CNTN5: variants seen among roughly 807,000 people sequenced by gnomAD.
CNTN5 encodes the protein contactin-5.
Under a neutral mutation model 129.1 loss-of-function variants are expected in CNTN5, and 77 were observed. That is an observed-to-expected ratio of 0.60 (90% CI 0.50 to 0.72). The LOEUF (loss-of-function observed/expected upper bound fraction) is 0.72, where lower values mean the gene tolerates loss of function less well. Among genes scored for constraint, CNTN5 ranks in the 30% least tolerant of loss-of-function variants. The pLI is 0.00. For missense variants in CNTN5, 1,478 were observed against 1,328.8 expected (o/e 1.11, Z -1.75); for synonymous variants, 509 against 465.6 (o/e 1.09, Z -1.20).
chr11:99,376,633 C>T (rs1940199321), intron 2 of CNTN5, among the ~76,000 whole-genome samples: 1 of 152,138 alleles, frequency 6.6e-6, no homozygotes, highest in Non-Finnish European at 1.5e-5. Flanking sequence ...GAATCCTGTA[C>T]TTATGCCAAA....
At chr11:100,144,376 T>C (rs1023628698) in intron 13 of CNTN5, among the ~76,000 whole-genome samples, 1 of 152,166 alleles carries the variant, frequency 6.6e-6, no homozygotes, top group Admixed American at 6.6e-5. Flanking sequence ...TCTCCTGCTT[T>C]CCTTCCACTT....
intron 1 of CNTN5, among the ~76,000 whole-genome samples, chr11:99,030,176 T>G (rs974544384): frequency 6.6e-6 from 1 of 152,200 alleles, no homozygotes; most frequent in African/African-American, 2.4e-5. Context: ...AAGATGATAT[T>G]GACTACTAAC....
At chr11:99,639,417 A>C (rs998149533) in intron 3 of CNTN5, among the ~76,000 whole-genome samples, 1 of 152,168 alleles carries the variant, frequency 6.6e-6, no homozygotes, top group Non-Finnish European at 1.5e-5. Flanking sequence ...TACTTATGCA[A>C]ATTTTTGCAG....
chr11:99,461,120 G>A (rs548489265), intron 2 of CNTN5, among the ~76,000 whole-genome samples: 5 of 152,024 alleles, frequency 3.3e-5, no homozygotes, highest in Non-Finnish European at 5.9e-5. Flanking sequence ...AGAAAAAGTG[G>A]ACATATTGTT....
intron 18 of CNTN5, among the ~76,000 whole-genome samples, chr11:100,290,014 A>C (rs1411619023): frequency 6.7e-6 from 1 of 150,292 alleles, no homozygotes; most frequent in Non-Finnish European, 1.5e-5. Context: ...CAATTGCTTC[A>C]AAGAGAATAA....
At chr11:100,323,091 G>T (rs920163109) in intron 21 of CNTN5, among the ~76,000 whole-genome samples, 2 of 152,166 alleles carry the variant, frequency 1.3e-5, no homozygotes, top group East Asian at 3.8e-4. Flanking sequence ...CTGAGAACAT[G>T]CAGGTTAGAA....
chr11:100,292,336 A>T (rs921854137), intron 18 of CNTN5, among the ~76,000 whole-genome samples: 1 of 152,044 alleles, frequency 6.6e-6, no homozygotes, highest in Admixed American at 6.6e-5. Flanking sequence ...CTTGCCCCCT[A>T]GCAGGCAGCC....
chr11:99,585,070 G>A (rs536535264), intron 3 of CNTN5, among the ~76,000 whole-genome samples: 1 of 152,300 alleles, frequency 6.6e-6, no homozygotes, highest in South Asian at 2.1e-4. Flanking sequence ...GTGCAATTCA[G>A]TGGACACATA....
chr11:99,086,815 G>T (rs1428174503), intron 1 of CNTN5, among the ~76,000 whole-genome samples: 1 of 151,978 alleles, frequency 6.6e-6, no homozygotes, highest in Non-Finnish European at 1.5e-5. Flanking sequence ...TAAATAATGG[G>T]GTTACAGTAA....
intron 13 of CNTN5, among the ~76,000 whole-genome samples, chr11:100,152,724 T>A (rs1947110349): frequency 6.6e-6 from 1 of 152,158 alleles, no homozygotes; most frequent in African/African-American, 2.4e-5. Context: ...TCACTATTTT[T>A]AATTAATGTT....
intron 8 of CNTN5, among the ~76,000 whole-genome samples, chr11:99,984,754 C>T (rs1421009822): frequency 6.6e-6 from 1 of 152,296 alleles, no homozygotes; most frequent in Non-Finnish European, 1.5e-5. Context: ...ACTCCTATTA[C>T]ATGGAATGTT....
chr11:99,901,491 C>T (rs1356468131), intron 6 of CNTN5, among the ~76,000 whole-genome samples: 3 of 152,032 alleles, frequency 2.0e-5, no homozygotes, highest in Admixed American at 6.6e-5. Context: ...GTGGGTTTCA[C>T]CATGGTGACC....
intron 2 of CNTN5, among the ~76,000 whole-genome samples, chr11:99,503,664 C>T (rs376272169): frequency 2.0e-4 from 30 of 152,072 alleles, no homozygotes; most frequent in African/African-American, 6.8e-4. Context: ...TTTTGTCATC[C>T]GCAGCTTCTA....
intron 1 of CNTN5, among the ~76,000 whole-genome samples, chr11:99,091,132 C>T (rs925087042): frequency 2.0e-5 from 3 of 151,400 alleles, no homozygotes; most frequent in Non-Finnish European, 2.9e-5. Context: ...TAAAGATGTG[C>T]CATTTGTGTA....
At chr11:99,842,716 A>G (rs1434260226) in intron 4 of CNTN5, among the ~76,000 whole-genome samples, 1 of 152,224 alleles carries the variant, frequency 6.6e-6, no homozygotes, top group African/African-American at 2.4e-5. Context: ...TTTGATTTAT[A>G]AAAGTTGTGA....
At chr11:99,310,938 AT>A (rs36078355) in intron 1 of CNTN5, among the ~76,000 whole-genome samples, 136,323 of 149,318 alleles carry the variant, frequency 0.91, 62,319 homozygotes, top group East Asian at 1. Flanking sequence ...ATTATTTATT[AT>A]TTTTTTTTTT....
intron 3 of CNTN5, among the ~76,000 whole-genome samples, chr11:99,656,888 GT>G (rs1270688432): frequency 6.6e-6 from 1 of 151,716 alleles, no homozygotes; most frequent in Non-Finnish European, 1.5e-5. Context: ...AAAATTGTCT[GT>G]AGAAAACCCC....
chr11:99,682,873 C>T (rs1236232764), intron 3 of CNTN5, among the ~76,000 whole-genome samples: 2 of 151,858 alleles, frequency 1.3e-5, no homozygotes, highest in Non-Finnish European at 2.9e-5. Context: ...AGCCACAGTT[C>T]ATAAGTTACA....
At chr11:99,177,160 C>T (rs1330154465) in intron 1 of CNTN5, among the ~76,000 whole-genome samples, 1 of 152,002 alleles carries the variant, frequency 6.6e-6, no homozygotes, top group Non-Finnish European at 1.5e-5. Flanking sequence ...TTTCTGGTGC[C>T]ACCTTCTCAG....
Sources: gnomAD v4.1 joint callset for allele counts (sites outside exome capture counted in the v4.1 genomes callset) on GRCh38, gnomAD v4.1.1 for gene constraint, MANE v1.5 for transcripts, NCBI Gene and HGNC (gene_info 2026-07-23, HGNC 2026-07-21) for gene names.